The following AK5 variants were observed in gnomAD, a reference collection of about 807,000 sequenced individuals.
AK5 encodes the protein adenylate kinase isoenzyme 5.
In AK5, 27 loss-of-function variants were observed where a neutral mutation model predicts 69.5. The ratio of observed to expected loss-of-function variants is 0.39; its 90% CI spans 0.29 to 0.54. AK5 has a LOEUF of 0.54. Among genes scored for constraint, AK5 ranks in the 20% least tolerant of loss-of-function variants. The probability of loss-of-function intolerance (pLI) is 0.71; values close to 1 mark genes in which losing one functional copy is unlikely to be tolerated. For missense variants in AK5, 531 were observed against 700.4 expected (o/e 0.76, Z 2.73); for synonymous variants, 260 against 244.4 (o/e 1.06, Z -0.60).
At chr1:77,555,170 C>A (rs142125479) in intron 13 of AK5, among the ~76,000 whole-genome samples, 3 of 151,960 alleles carry the variant, frequency 2.0e-5, no homozygotes, top group South Asian at 2.1e-4. Context: ...CCCAGCTACT[C>A]GGGAGGCTGA....
At chr1:77,404,669 A>T (rs1649498222) in intron 6 of AK5, among the ~76,000 whole-genome samples, 1 of 152,098 alleles carries the variant, frequency 6.6e-6, no homozygotes, top group African/African-American at 2.4e-5. Context: ...TAGAAAATGA[A>T]ATCTGACTTA....
At chr1:77,341,886 T>C (rs781610644) in intron 6 of AK5, among the ~76,000 whole-genome samples, 7 of 152,056 alleles carry the variant, frequency 4.6e-5, no homozygotes, top group Non-Finnish European at 8.8e-5. Flanking sequence ...GGTTATTGTT[T>C]GGTTTTTGTT....
At chr1:77,435,464 A>G (rs1358184037) in intron 8 of AK5, among the ~76,000 whole-genome samples, 1 of 152,136 alleles carries the variant, frequency 6.6e-6, no homozygotes, top group Non-Finnish European at 1.5e-5. Flanking sequence ...CGTGGCCTAC[A>G]TGGTGAAACC....
chr1:77,460,600 A>C (rs1200040742), intron 8 of AK5, among the ~76,000 whole-genome samples: 2 of 152,246 alleles, frequency 1.3e-5, no homozygotes, highest in East Asian at 3.8e-4. Flanking sequence ...AATACTATTC[A>C]GCCATAAAAA....
intron 6 of AK5, among the ~76,000 whole-genome samples, chr1:77,360,823 G>A (rs1456544170): frequency 2.0e-5 from 3 of 152,122 alleles, no homozygotes; most frequent in African/African-American, 4.8e-5. Context: ...TAACTTCAAC[G>A]AATATGTGTT....
At chr1:77,493,933 A>G (rs983707593) in intron 10 of AK5, among the ~76,000 whole-genome samples, 4 of 152,240 alleles carry the variant, frequency 2.6e-5, no homozygotes, top group African/African-American at 9.6e-5. Flanking sequence ...ATGTTGAACT[A>G]GAATGCAATG....
intron 10 of AK5, among the ~76,000 whole-genome samples, chr1:77,486,861 G>T (rs1445443819): frequency 6.6e-6 from 1 of 152,096 alleles, no homozygotes; most frequent in African/African-American, 2.4e-5. Flanking sequence ...GAAAAAGTAG[G>T]GCTTGAAAGA....
Position 77,546,476 on chromosome 1 carries a change from G to A in AK5, c.1620+10438G>A, listed in dbSNP as rs189080425. 3.1e-3 allele frequency among the ~76,000 whole-genome samples: 465 copies of A among 152,280 alleles called. 4 individuals carry two copies. Among genetic ancestry groups the A allele is most frequent in the Non-Finnish European group, 4.5e-3 (304 of 68,010 alleles). ...TGTAATCCCAGCACTTTGGGAGGCC[G>A]AGGAGGGCAGATCTCTTGAGGTCAG... On this transcript the variant is annotated intron_variant, in intron 13 of 13. Transcript: ENST00000354567.
chr1:77,424,894 A>C (rs555916991), intron 8 of AK5, among the ~76,000 whole-genome samples: 2 of 152,344 alleles, frequency 1.3e-5, no homozygotes, highest in East Asian at 1.9e-4. Context: ...TTAATGAACA[A>C]CACCAAACCA....
chr1:77,443,479 A>G (rs1441237256), intron 8 of AK5, among the ~76,000 whole-genome samples: 1 of 152,170 alleles, frequency 6.6e-6, no homozygotes, highest in Admixed American at 6.5e-5. Context: ...GAGATAATCT[A>G]TGTAAAAGCA....
At chr1:77,507,169 C>T (rs1657078995) in intron 10 of AK5, among the ~76,000 whole-genome samples, 1 of 152,156 alleles carries the variant, frequency 6.6e-6, no homozygotes, top group Admixed American at 6.5e-5. Flanking sequence ...TTTATCTGGC[C>T]ACCTGACGGG....
At chr1:77,415,278 C>G (rs1458644539) in intron 7 of AK5, among the ~76,000 whole-genome samples, 2 of 152,132 alleles carry the variant, frequency 1.3e-5, no homozygotes, top group African/African-American at 4.8e-5. Flanking sequence ...TGTTTAAGAG[C>G]CTTTCACATT....
intron 5 of AK5, 185 bp downstream of exon 5, chr1:77,298,132 A>C: frequency 2.2e-6 from 1 of 454,112 alleles, no homozygotes; most frequent in East Asian, 3.3e-5. Flanking sequence ...AATTAAAGAC[A>C]GTCTCTGCCA....
At position 77,391,495 on chromosome 1, in the gene AK5, G is replaced by GTGTGTATATATATATATA. The variant is rs1425180466; in HGVS notation, c.892-19485_892-19484insGTGTATATATATATATAT. ...TATGTGTGTGTGTATGTGTGTGTGTGTATATATATATATATATATATATAT... is the reference window on the plus strand; with the variant it reads ...TATGTGTGTGTGTATGTGTGTGTGTGTGTGTATATATATATATATATATATATATATATATATATATAT... On this transcript the variant is annotated intron_variant, in intron 6 of 13. Transcript: ENST00000354567. Among the ~76,000 whole-genome samples, 118 of 63,330 alleles carry GTGTGTATATATATATATA rather than the reference G, an allele frequency of 1.9e-3. 1 individual carries two copies. The highest frequency in any genetic ancestry group is 2.4e-3 in the Non-Finnish European group (74 of 30,982). The allele number at this position is 63,330 out of a possible 152,430, so 41.5% of individuals were successfully genotyped here.
At chr1:77,411,597 G>T (rs892212708) in intron 7 of AK5, among the ~76,000 whole-genome samples, 2 of 152,056 alleles carry the variant, frequency 1.3e-5, no homozygotes, top group Non-Finnish European at 2.9e-5. Flanking sequence ...AGTACTCATG[G>T]TTCTGTCCTG....
intron 5 of AK5, chr1:77,313,821 G>T: frequency 1.9e-6 from 1 of 533,042 alleles, no homozygotes; most frequent in Non-Finnish European, 3.8e-6. Context: ...AGACAAAGAT[G>T]CCTGTGCAGT....
intron 8 of AK5, among the ~76,000 whole-genome samples, chr1:77,441,931 T>G (rs1652354152): frequency 6.6e-6 from 1 of 152,084 alleles, no homozygotes; most frequent in Non-Finnish European, 1.5e-5. Flanking sequence ...GACTCTGAGG[T>G]ACCCCCTAGC....
At position 77,435,878 on chromosome 1, in the gene AK5, C is replaced by G. The variant is rs1474374151; in HGVS notation, c.1059+18163C>G. Among the ~76,000 whole-genome samples, 4 of 151,922 alleles carry G rather than the reference C, an allele frequency of 2.6e-5. No homozygotes were observed. In the East Asian group the frequency reaches 7.7e-4, roughly 29 times the overall value. The stretch of plus-strand genomic sequence containing the variant: ...ATCCTTAGAAAGATATACATAATTC[C>G]CTTTTATTTATAGCAAACTTGATTA... On this transcript the variant is annotated intron_variant, in intron 8 of 13. Transcript: ENST00000354567.
At chr1:77,414,681 G>C (rs1200073983) in intron 7 of AK5, among the ~76,000 whole-genome samples, 1 of 152,070 alleles carries the variant, frequency 6.6e-6, no homozygotes, top group African/African-American at 2.4e-5. Context: ...TTTTAAATCT[G>C]GAAAGAAATT....
Sources: allele counts gnomAD v4.1 joint callset (sites outside exome capture counted in the v4.1 genomes callset), GRCh38; gene constraint gnomAD v4.1.1; transcripts MANE v1.5; gene names NCBI Gene and HGNC (gene_info 2026-07-23, HGNC 2026-07-21).